The following REC114 variants were observed in gnomAD, a reference collection of about 807,000 sequenced individuals.
The protein encoded by REC114 is meiotic recombination protein REC114.
In REC114, 27 loss-of-function variants were observed where a neutral mutation model predicts 31.3. The observed-to-expected ratio is 0.86, with a 90% confidence interval of 0.64 to 1.19. REC114 has a LOEUF of 1.19. REC114 is among the 50% of genes most tolerant of loss of function. REC114 has a pLI of 0.00. For synonymous variants in REC114, 134 were observed against 127.7 expected, an observed-to-expected ratio of 1.05 and a Z score of -0.33; for missense variants, 344 against 326.9, an observed-to-expected ratio of 1.05 and a Z score of -0.40.
intron 2 of REC114, among the ~76,000 whole-genome samples, chr15:73,496,928 A>AT (rs200017479): frequency 0.013 from 1,698 of 133,762 alleles, 14 homozygotes; most frequent in African/African-American, 0.029. Flanking sequence ...CTCAGTCTTT[A>AT]TTTTTTTTTT....
chr15:73,527,142 G>GT (rs1463384808), intron 2 of REC114, among the ~76,000 whole-genome samples: 2 of 152,096 alleles, frequency 1.3e-5, no homozygotes, highest in Non-Finnish European at 2.9e-5. Context: ...AATGTCCTGT[G>GT]TATTCAATGA....
intron 4 of REC114, among the ~76,000 whole-genome samples, chr15:73,551,842 A>G (rs982042635): frequency 6.6e-6 from 1 of 152,230 alleles, no homozygotes; most frequent in Non-Finnish European, 1.5e-5. Flanking sequence ...GAAAATGATA[A>G]AATTTAAGCT....
intron 2 of REC114, among the ~76,000 whole-genome samples, chr15:73,513,988 T>G (rs922862629): frequency 4.2e-4 from 64 of 152,002 alleles, no homozygotes; most frequent in African/African-American, 1.3e-3. Flanking sequence ...TCGAGCTTCC[T>G]GGCTGCTTTG....
At chr15:73,499,997 A>G (rs1423442305) in intron 2 of REC114, among the ~76,000 whole-genome samples, 1 of 151,926 alleles carries the variant, frequency 6.6e-6, no homozygotes, top group Non-Finnish European at 1.5e-5. Context: ...CCATCACCCA[A>G]CTTTAGAGTA....
chr15:73,542,948 T>G (rs1195949673), intron 3 of REC114, among the ~76,000 whole-genome samples: 3 of 143,344 alleles, frequency 2.1e-5, no homozygotes, highest in African/African-American at 8.1e-5. Flanking sequence ...AGTATACACT[T>G]TTTTTTTTTT....
intron 1 of REC114, among the ~76,000 whole-genome samples, chr15:73,454,573 TA>T (rs1380854254): frequency 2.0e-5 from 3 of 152,134 alleles, no homozygotes; most frequent in Non-Finnish European, 4.4e-5. Flanking sequence ...TCTAGGACCA[TA>T]AAAAAGACAT....
chr15:73,559,656 C>G (rs1012307370), intron 5 of REC114, 96 bp from the exon 6 acceptor site: 1 of 1,154,512 alleles, frequency 8.7e-7, no homozygotes, highest in African/African-American at 1.6e-5. Flanking sequence ...GTGTGTATTT[C>G]GCTAATCTTT....
intron 2 of REC114, among the ~76,000 whole-genome samples, chr15:73,520,681 T>G (rs1275125202): frequency 6.6e-6 from 1 of 152,214 alleles, no homozygotes; most frequent in African/African-American, 2.4e-5. Flanking sequence ...TTGTTGTACT[T>G]TGCAGTGGTA....
chr15:73,506,481 G>A (rs1331461648), intron 2 of REC114, among the ~76,000 whole-genome samples: 1 of 152,118 alleles, frequency 6.6e-6, no homozygotes, highest in Non-Finnish European at 1.5e-5. Context: ...GATAAAACGT[G>A]GCTGAAGTGC....
intron 1 of REC114, among the ~76,000 whole-genome samples, chr15:73,461,335 G>A (rs1353067358): frequency 1.3e-5 from 2 of 152,044 alleles, no homozygotes; most frequent in Non-Finnish European, 2.9e-5. Context: ...AGCCTACTTA[G>A]CAATTTTGCA....
chr15:73,458,898 C>T (rs576410394), intron 1 of REC114, among the ~76,000 whole-genome samples: 2 of 152,254 alleles, frequency 1.3e-5, no homozygotes, highest in South Asian at 4.1e-4. Flanking sequence ...TCTATTACCC[C>T]ATAAGAAGGA....
At chr15:73,468,678 G>GT (rs567083539) in intron 1 of REC114, among the ~76,000 whole-genome samples, 7,422 of 138,244 alleles carry the variant, frequency 0.054, 383 homozygotes, top group African/African-American at 0.13. Flanking sequence ...GTTAGCTGTA[G>GT]TTTTTTTTTT....
At chr15:73,458,441 A>AT (rs1361750073) in intron 1 of REC114, among the ~76,000 whole-genome samples, 1 of 152,210 alleles carries the variant, frequency 6.6e-6, no homozygotes, top group East Asian at 1.9e-4. Context: ...AGTATCATCA[A>AT]GAGTTATTAT....
At chr15:73,469,878 G>A (rs1893109948) in intron 1 of REC114, among the ~76,000 whole-genome samples, 2 of 151,998 alleles carry the variant, frequency 1.3e-5, no homozygotes, top group Admixed American at 1.3e-4. Flanking sequence ...TAGAGATGGG[G>A]TTTCACTGTG....
intron 3 of REC114, among the ~76,000 whole-genome samples, chr15:73,548,204 G>A (rs987442154): frequency 3.3e-5 from 5 of 152,156 alleles, no homozygotes; most frequent in African/African-American, 1.2e-4. Context: ...CACCTCCCGG[G>A]TTCAAGTGAT....
intron 3 of REC114, among the ~76,000 whole-genome samples, chr15:73,548,395 C>A (rs1894340288): frequency 6.6e-6 from 1 of 152,196 alleles, no homozygotes; most frequent in African/African-American, 2.4e-5. Context: ...GCATGAGTCA[C>A]TGTGCCCGGC....
chr15:73,480,246 C>T (rs1893275050), intron 2 of REC114, among the ~76,000 whole-genome samples: 1 of 151,868 alleles, frequency 6.6e-6, no homozygotes, highest in Non-Finnish European at 1.5e-5. Flanking sequence ...GTGGAAAATG[C>T]TTATTCAGGT....
intron 2 of REC114, among the ~76,000 whole-genome samples, chr15:73,479,341 GTA>G (rs1168424890): frequency 6.7e-6 from 1 of 150,224 alleles, no homozygotes; most frequent in African/African-American, 2.4e-5. Flanking sequence ...TATAATTAAG[GTA>G]TACAATGTAA....
rs1712017398 is a variant in REC114, at chr15:73,552,092, GT to G, written c.546+943del. 2.6e-5 allele frequency among the ~76,000 whole-genome samples: 4 copies of G among 152,348 alleles called. No homozygotes were observed. In the South Asian group the frequency reaches 8.3e-4, roughly 32 times the overall value. ...CGTGGATAAAGAGCTATTCAAAAGTGTAAGATAGGCTAAAAGATTGTAATAT... is the reference window on the plus strand; with the variant it reads ...CGTGGATAAAGAGCTATTCAAAAGTGAAGATAGGCTAAAAGATTGTAATAT... On this transcript the variant is annotated intron_variant, in intron 4 of 5. Coordinates refer to ENST00000331090, the MANE Select transcript of REC114 (RefSeq NM_001042367.2).
Sources: allele counts gnomAD v4.1 joint callset (sites outside exome capture counted in the v4.1 genomes callset), GRCh38; gene constraint gnomAD v4.1.1; transcripts MANE v1.5; gene names NCBI Gene and HGNC (gene_info 2026-07-23, HGNC 2026-07-21).